The following EXOC2 variants were observed in gnomAD, a reference collection of about 807,000 sequenced individuals.
EXOC2 encodes exocyst complex component 2.
In EXOC2, 70 loss-of-function variants were observed where a neutral mutation model predicts 131.8. The ratio of observed to expected loss-of-function variants is 0.53; its 90% CI spans 0.44 to 0.65. The LOEUF is 0.65. Ranked by LOEUF, EXOC2 falls within the 30% of genes least tolerant of loss-of-function variation. The pLI is 0.00. For synonymous variants in EXOC2, 411 were observed against 398.4 expected (o/e 1.03, Z -0.38); for missense variants, 923 against 1,108.6 (o/e 0.83, Z 2.38).
At chr6:549,091 G>T in intron 22 of EXOC2, 84 bp downstream of exon 22, 1 of 1,130,726 alleles carries the variant, frequency 8.8e-7, no homozygotes, top group Non-Finnish European at 1.3e-6. Context: ...AATGGGCACT[G>T]CTAGCAGAAC....
In EXOC2 at chr6:497,487, C is replaced by T; in HGVS notation, c.2439G>A (p.Val813=). 2 of 1,608,858 alleles carry T rather than the reference C, an allele frequency of 1.2e-6. No individual in the cohort carries two copies. Among genetic ancestry groups the T allele is most frequent in the Non-Finnish European group, 1.7e-6 (2 of 1,178,084 alleles). The part of the protein sequence containing the change: ...LVNIIAVHAE[V]FTISKELVPR... ...GGACCAGTTCTTTGGAAATGGTGAA[C>T]ACCTGGTTTGAAATAGGAAGACATG... The change falls in exon 25 of 28, where the codon GTG becomes GTA. Residue 813 remains valine, a splice_region_variant and synonymous_variant. Transcript: ENST00000230449.
intron 6 of EXOC2, among the ~76,000 whole-genome samples, chr6:615,182 G>GT (rs1561927678): frequency 0.018 from 2,200 of 121,086 alleles, 22 homozygotes; most frequent in African/African-American, 0.034. Flanking sequence ...TGTGGGTGTG[G>GT]GTGTGTGTGT....
chr6:655,995 T>G, intron 1 of EXOC2: 1 of 746,300 alleles, frequency 1.3e-6, no homozygotes, highest in South Asian at 1.8e-5. Flanking sequence ...CAACAAAATA[T>G]ACGCCCTGCA....
At chr6:620,179 G>A (rs978128227) in intron 4 of EXOC2, among the ~76,000 whole-genome samples, 7 of 152,092 alleles carry the variant, frequency 4.6e-5, no homozygotes, top group East Asian at 1.9e-4. Flanking sequence ...TTATATATTC[G>A]TTCGACTATT....
intron 3 of EXOC2, among the ~76,000 whole-genome samples, chr6:632,648 T>C (rs1388441611): frequency 2.0e-5 from 3 of 152,184 alleles, no homozygotes; most frequent in Non-Finnish European, 2.9e-5. Context: ...ATATTCAAGA[T>C]CAAGGAACCA....
Position 662,286 on chromosome 6 carries a change from T to C in EXOC2, c.-43-24425A>G, listed in dbSNP as rs190169472. ...ACAAAGAAACAACGGATTTAAATGATACCTTGGAACAAATGGACTTAACAG... is the reference window on the plus strand; with the variant it reads ...ACAAAGAAACAACGGATTTAAATGACACCTTGGAACAAATGGACTTAACAG... On this transcript the variant is annotated intron_variant, in intron 1 of 27. Coordinates refer to ENST00000230449, the MANE Select transcript of EXOC2 (RefSeq NM_018303.6). Among the ~76,000 whole-genome samples, 410 of 152,310 alleles carry C rather than the reference T, an allele frequency of 2.7e-3. 2 individuals carry two copies. The highest frequency in any genetic ancestry group is 9.5e-3 in the African/African-American group (394 of 41,560).
At chr6:575,243 C>T (rs1758511024) in intron 12 of EXOC2, among the ~76,000 whole-genome samples, 1 of 152,190 alleles carries the variant, frequency 6.6e-6, no homozygotes, top group Admixed American at 6.5e-5. Context: ...ACACCATTTA[C>T]ATTTCTATTA....
intron 5 of EXOC2, among the ~76,000 whole-genome samples, chr6:618,479 T>C (rs188110302): frequency 1.2e-4 from 19 of 152,236 alleles, no homozygotes; most frequent in Admixed American, 1.2e-3. Flanking sequence ...ACTTTAAACG[T>C]ATTCTTGATA....
At chr6:501,903 A>G (rs1189980187) in intron 23 of EXOC2, among the ~76,000 whole-genome samples, 4 of 151,866 alleles carry the variant, frequency 2.6e-5, no homozygotes, top group Admixed American at 6.6e-5. Context: ...AAGAACAGAA[A>G]GAGCCTGTTG....
rs1182458882 is a variant in EXOC2, at chr6:666,978, T to C, written c.-44+26041A>G. On this transcript the variant is annotated intron_variant, in intron 1 of 27. Transcript: ENST00000230449. ...CTTTCCCATTCATGGATAGTGGAAG[T>C]ACCTTATAACAAAGTATTCCCACTT... Among the ~76,000 whole-genome samples the C allele has an allele frequency of 2.1e-5, 2 of 96,478 alleles. 1 individual carries two copies. The highest frequency in any genetic ancestry group is 4.9e-5 in the Non-Finnish European group (2 of 40,876). The allele number at this position is 96,478 out of a possible 152,430, so 63.3% of individuals were successfully genotyped here.
chr6:687,587 A>G (rs1276252229), intron 1 of EXOC2, among the ~76,000 whole-genome samples: 1 of 147,916 alleles, frequency 6.8e-6, no homozygotes, highest in Non-Finnish European at 1.5e-5. Context: ...GGACTCCTAT[A>G]CCCCAGAAAA....
intron 7 of EXOC2, among the ~76,000 whole-genome samples, chr6:609,284 G>A (rs544555804): frequency 6.6e-6 from 1 of 152,320 alleles, no homozygotes; most frequent in African/African-American, 2.4e-5. Flanking sequence ...GATCTGGTGT[G>A]AGGTTTTTTC....
intron 17 of EXOC2, among the ~76,000 whole-genome samples, chr6:561,945 G>C (rs545782665): frequency 1.3e-4 from 20 of 152,346 alleles, no homozygotes; most frequent in African/African-American, 3.4e-4. Context: ...CCCGACCTCT[G>C]TTGCCAACAG....
intron 10 of EXOC2, among the ~76,000 whole-genome samples, chr6:594,080 T>A (rs1759687126): frequency 6.6e-6 from 1 of 152,178 alleles, no homozygotes; most frequent in Non-Finnish European, 1.5e-5. Flanking sequence ...ACAGGATGTG[T>A]CTCTGTGCTG....
At position 485,632 on chromosome 6, in the gene EXOC2, A is replaced by T. The variant is rs1429141925; in HGVS notation, c.*1039T>A. 1 of 152,234 alleles carries T rather than the reference A, an allele frequency of 6.6e-6. No homozygotes were observed. Among genetic ancestry groups the T allele is most frequent in the East Asian group, 1.9e-4 (1 of 5,204 alleles). The allele number at this position is 152,234 out of a possible 1,614,324, so 9.4% of individuals were successfully genotyped here. ...CGGTGACCTGAACCTATTCCAGTGA[A>T]GCCAGTCAGCAGTGAATGTGGGGCA... On this transcript the variant is annotated 3_prime_UTR_variant, in exon 28 of 28. Transcript: ENST00000230449.
At chr6:545,096 G>A (rs1756768819) in intron 22 of EXOC2, among the ~76,000 whole-genome samples, 1 of 141,658 alleles carries the variant, frequency 7.1e-6, no homozygotes, top group African/African-American at 2.7e-5. Flanking sequence ...GCAGTGAGCC[G>A]AGATTGCGCC....
At chr6:684,570 T>C (rs959254547) in intron 1 of EXOC2, among the ~76,000 whole-genome samples, 1 of 152,244 alleles carries the variant, frequency 6.6e-6, no homozygotes, top group Non-Finnish European at 1.5e-5. Context: ...CATCTGCCTC[T>C]TTTCCTTTAA....
chr6:502,809 AAG>A (rs1209013460), intron 23 of EXOC2, among the ~76,000 whole-genome samples: 2 of 152,240 alleles, frequency 1.3e-5, no homozygotes, highest in Admixed American at 1.3e-4. Flanking sequence ...GAATGAAAAA[AAG>A]GAAATAATTG....
chr6:689,700 T>C (rs892115021), intron 1 of EXOC2, among the ~76,000 whole-genome samples: 4 of 152,248 alleles, frequency 2.6e-5, no homozygotes, highest in Non-Finnish European at 5.9e-5. Context: ...TTTTAATATA[T>C]GTGTCAGGCA....
Sources: allele counts gnomAD v4.1 joint callset (sites outside exome capture counted in the v4.1 genomes callset), GRCh38; gene constraint gnomAD v4.1.1; transcripts MANE v1.5; gene names NCBI Gene and HGNC (gene_info 2026-07-23, HGNC 2026-07-21).